The following NVL variants were observed in gnomAD, a reference collection of about 807,000 sequenced individuals.
The protein encoded by NVL is nuclear VCP like.
NVL carries 84 observed loss-of-function variants against 110.2 expected under a neutral mutation model. The ratio of observed to expected loss-of-function variants is 0.76; its 90% confidence interval spans 0.64 to 0.91. The LOEUF (loss-of-function observed/expected upper bound fraction) is 0.91, where lower values mean the gene tolerates loss of function less well. NVL is among the 40% of genes least tolerant of loss of function. The probability of loss-of-function intolerance (pLI) is 0.00; values close to 1 mark genes in which losing one functional copy is unlikely to be tolerated. For missense variants in NVL, 882 were observed against 1,035.9 expected (o/e 0.85, Z 2.04); for synonymous variants, 354 against 361.1 (o/e 0.98, Z 0.22).
chr1:224,241,863 A>T (rs1661234117), intron 19 of NVL, among the ~76,000 whole-genome samples: 2 of 150,550 alleles, frequency 1.3e-5, no homozygotes, highest in African/African-American at 4.9e-5. Flanking sequence ...TCTCAAAAAA[A>T]AAAAAATAAA....
At chr1:224,256,632 A>C (rs1663289241) in intron 18 of NVL, among the ~76,000 whole-genome samples, 1 of 152,118 alleles carries the variant, frequency 6.6e-6, no homozygotes, top group Admixed American at 6.6e-5. Flanking sequence ...TTTACAGTAA[A>C]AGGCATTCTG....
rs541821401 is a variant in NVL at position 224,252,024 on chromosome 1, T to C, written c.2183-1706A>G. Among the ~76,000 whole-genome samples, 6 of 152,296 alleles carry C rather than the reference T, an allele frequency of 3.9e-5. No homozygotes were observed. In the East Asian group the frequency reaches 9.6e-4, roughly 24 times the overall value. The stretch of plus-strand genomic sequence containing the variant: ...AGCTGTCACTATGGCAGGAAATCCC[T>C]TTAGGATCTGACCATCTTCCTTTCT... On this transcript the variant is annotated intron_variant, in intron 18 of 22. Coordinates refer to ENST00000281701, the MANE Select transcript of NVL (RefSeq NM_002533.4).
chr1:224,241,150 T>C (rs945297402), intron 19 of NVL, among the ~76,000 whole-genome samples: 4 of 152,218 alleles, frequency 2.6e-5, no homozygotes, highest in Admixed American at 2.6e-4. Context: ...AAAAGTTTCA[T>C]TAGCAACATT....
chr1:224,329,707 G>A (rs979036274), intron 1 of NVL, among the ~76,000 whole-genome samples: 3 of 152,164 alleles, frequency 2.0e-5, no homozygotes, highest in African/African-American at 7.2e-5. Flanking sequence ...CCTTCTCAAG[G>A]ACCTCTTACA....
Position 224,306,272 on chromosome 1 carries a change from A to T in NVL, c.616-1106T>A, listed in dbSNP as rs534449500. ...GCAATATTCCAACTCTTAAAAAAAA[A>T]TTTTTTTTTTTTGAGACGGAGTCTC... On this transcript the variant is annotated intron_variant, in intron 6 of 22. Coordinates refer to ENST00000281701, the MANE Select transcript of NVL (RefSeq NM_002533.4). Among the ~76,000 whole-genome samples the T allele has an allele frequency of 8.8e-5, 13 of 147,896 alleles. No homozygotes were observed. In the South Asian group the frequency reaches 2.1e-3, roughly 24 times the overall value.
Position 224,253,114 on chromosome 1 carries a change from C to T in NVL, c.2183-2796G>A, listed in dbSNP as rs188437617. Among the ~76,000 whole-genome samples the T allele has an allele frequency of 9.5e-4, 144 of 151,880 alleles. 1 individual carries two copies. Among genetic ancestry groups the T allele is most frequent in the Middle Eastern group, 3.4e-3 (1 of 294 alleles). ...AGGCTAGAGTGCAGTGGGGCGATCT[C>T]GGCTCATTGCAACCTCTGCCTCCTG... is the stretch of plus-strand genomic sequence containing the variant. On this transcript the variant is annotated intron_variant, in intron 18 of 22. Transcript: ENST00000281701.
chr1:224,303,671 C>T, intron 9 of NVL, 52 bp downstream of exon 9: 1 of 1,574,862 alleles, frequency 6.3e-7, no homozygotes, highest in Non-Finnish European at 8.6e-7. Flanking sequence ...AAAACAAAAA[C>T]AAATAATAAC....
intron 4 of NVL, among the ~76,000 whole-genome samples, chr1:224,314,566 C>T (rs944336663): frequency 6.6e-6 from 1 of 152,084 alleles, no homozygotes; most frequent in Non-Finnish European, 1.5e-5. Flanking sequence ...TAAAATTTAT[C>T]GAAATCCTTC....
chr1:224,235,484 A>G (rs1660358510), intron 20 of NVL, among the ~76,000 whole-genome samples: 1 of 151,930 alleles, frequency 6.6e-6, no homozygotes, highest in Admixed American at 6.6e-5. Context: ...TTAAATAAAG[A>G]CTCGTATGGA....
chr1:224,251,741 GATA>G (rs539633529), intron 18 of NVL, among the ~76,000 whole-genome samples: 2 of 152,180 alleles, frequency 1.3e-5, no homozygotes, highest in South Asian at 4.2e-4. Flanking sequence ...CCCTATCTCA[GATA>G]ATGATCACCA....
At chr1:224,308,685 C>T (rs1197742160) in intron 5 of NVL, among the ~76,000 whole-genome samples, 99 of 92,436 alleles carry the variant, frequency 1.1e-3, no homozygotes, top group Middle Eastern at 0.018. Context: ...AGTGAGACTC[C>T]ATCTCAAAAA....
intron 15 of NVL, among the ~76,000 whole-genome samples, chr1:224,285,521 G>A (rs1666776517): frequency 2.6e-5 from 4 of 152,154 alleles, no homozygotes; most frequent in South Asian, 4.1e-4. Flanking sequence ...TGATATGTAT[G>A]CATAGAAAAA....
At chr1:224,280,169 G>GTT (rs1225902326) in intron 16 of NVL, among the ~76,000 whole-genome samples, 9 of 130,996 alleles carry the variant, frequency 6.9e-5, no homozygotes, top group African/African-American at 2.7e-4. Context: ...GTGTACTGCT[G>GTT]TTTTTTTTTG....
At chr1:224,305,307 G>T (rs1169062619) in intron 6 of NVL, 141 bp from the exon 7 acceptor site, 6 of 715,562 alleles carry the variant, frequency 8.4e-6, no homozygotes, top group Admixed American at 3.1e-5. Flanking sequence ...CAATCTCTTT[G>T]CTCAAAGATG....
chr1:224,316,449 G>A (rs1039700340), intron 4 of NVL, among the ~76,000 whole-genome samples: 1 of 151,978 alleles, frequency 6.6e-6, no homozygotes, highest in Non-Finnish European at 1.5e-5. Flanking sequence ...ACTTTGGGAG[G>A]ATGAGGCGGG....
intron 16 of NVL, among the ~76,000 whole-genome samples, chr1:224,280,826 A>C (rs976643656): frequency 2.6e-5 from 4 of 152,240 alleles, no homozygotes; most frequent in African/African-American, 9.6e-5. Context: ...CATCTGAGCC[A>C]CATGACAACT....
chr1:224,321,588 T>A (rs564095958), intron 2 of NVL, among the ~76,000 whole-genome samples: 2 of 150,094 alleles, frequency 1.3e-5, no homozygotes, highest in African/African-American at 5.0e-5. Flanking sequence ...TAATAATTTT[T>A]AAATAAATTT....
intron 17 of NVL, among the ~76,000 whole-genome samples, chr1:224,268,541 G>C (rs561547622): frequency 4.6e-5 from 7 of 152,270 alleles, no homozygotes; most frequent in Non-Finnish European, 1.0e-4. Context: ...TTGCTATGCT[G>C]TCCAGGCTGG....
At chr1:224,313,158 CAAAAAAAAA>C (rs760756328) in intron 4 of NVL, 4 of 79,166 alleles carry the variant, frequency 5.1e-5, no homozygotes, top group East Asian at 3.7e-4. Flanking sequence ...GACGCTGTCT[CAAAAAAAAA>C]AAAAAAAAAA....
Sources: gnomAD v4.1 joint callset for allele counts (sites outside exome capture counted in the v4.1 genomes callset) on GRCh38, gnomAD v4.1.1 for gene constraint, MANE v1.5 for transcripts, NCBI Gene and HGNC (gene_info 2026-07-23, HGNC 2026-07-21) for gene names.